The following KLHL29 variants were observed in gnomAD, a reference collection of about 807,000 sequenced individuals.
KLHL29 encodes kelch-like protein 29.
Under a neutral mutation model 80.4 loss-of-function variants are expected in KLHL29, and 21 were observed. The ratio of observed to expected loss-of-function variants is 0.26; its 90% CI spans 0.19 to 0.38. The LOEUF (loss-of-function observed/expected upper bound fraction) is 0.38. Among genes scored for constraint, KLHL29 ranks in the 10% least tolerant of loss-of-function variants. The probability of loss-of-function intolerance (pLI) is 1.00; values close to 1 mark genes in which losing one functional copy is unlikely to be tolerated. For synonymous variants in KLHL29, 511 were observed against 526.8 expected (o/e 0.97, Z 0.41); for missense variants, 867 against 1,223.9 (o/e 0.71, Z 4.35).
intron 1 of KLHL29, among the ~76,000 whole-genome samples, chr2:23,469,732 T>C (rs1664444254): frequency 6.6e-6 from 1 of 152,194 alleles, no homozygotes; most frequent in African/African-American, 2.4e-5. Context: ...AACAGAGCTT[T>C]ACTCTTTACT....
intron 3 of KLHL29, among the ~76,000 whole-genome samples, chr2:23,607,170 C>A (rs1668749210): frequency 6.6e-6 from 1 of 152,184 alleles, no homozygotes; most frequent in Admixed American, 6.5e-5. Flanking sequence ...ATATTTAAAC[C>A]ACAGCAGGGC....
At chr2:23,473,126 A>G (rs1270899429) in intron 1 of KLHL29, among the ~76,000 whole-genome samples, 3 of 152,188 alleles carry the variant, frequency 2.0e-5, no homozygotes, top group Admixed American at 6.5e-5. Context: ...AGCTAGAGCC[A>G]TGACCTGCAG....
chr2:23,626,138 G>T (rs529842146), intron 3 of KLHL29, among the ~76,000 whole-genome samples: 1 of 152,138 alleles, frequency 6.6e-6, no homozygotes, highest in Non-Finnish European at 1.5e-5. Flanking sequence ...TTCCACCTCC[G>T]ATCATCAGAC....
chr2:23,486,149 G>A (rs1238151032), intron 2 of KLHL29, among the ~76,000 whole-genome samples: 1 of 152,144 alleles, frequency 6.6e-6, no homozygotes, highest in East Asian at 1.9e-4. Context: ...CCACTGGGCT[G>A]CATCCTATTC....
intron 1 of KLHL29, among the ~76,000 whole-genome samples, chr2:23,404,950 A>G (rs1283053968): frequency 1.3e-5 from 2 of 152,224 alleles, no homozygotes; most frequent in East Asian, 3.8e-4. Flanking sequence ...TCCTTTATGT[A>G]TGTTACACAT....
At chr2:23,693,756 G>A (rs566190160) in intron 8 of KLHL29, among the ~76,000 whole-genome samples, 2 of 152,360 alleles carry the variant, frequency 1.3e-5, no homozygotes, top group Non-Finnish European at 2.9e-5. Context: ...CGCAGCACCT[G>A]CACTCTGCAG....
intron 5 of KLHL29, among the ~76,000 whole-genome samples, chr2:23,671,416 A>T (rs1187018181): frequency 6.6e-6 from 1 of 151,984 alleles, no homozygotes; most frequent in Non-Finnish European, 1.5e-5. Context: ...AGCTGACCAG[A>T]TCTTGGAAAG....
At chr2:23,594,706 A>C (rs1048806867) in intron 3 of KLHL29, among the ~76,000 whole-genome samples, 1 of 152,188 alleles carries the variant, frequency 6.6e-6, no homozygotes, top group Admixed American at 6.5e-5. Flanking sequence ...TAATGAGTCA[A>C]TGCACACACA....
chr2:23,412,126 G>GC (rs1272670251), intron 1 of KLHL29, among the ~76,000 whole-genome samples: 46 of 131,160 alleles, frequency 3.5e-4, no homozygotes, highest in Non-Finnish European at 3.8e-4. Flanking sequence ...GCGTGAAGGG[G>GC]GGGGGGGGGC....
At chr2:23,518,543 G>A (rs1666006984) in intron 2 of KLHL29, among the ~76,000 whole-genome samples, 1 of 152,152 alleles carries the variant, frequency 6.6e-6, no homozygotes, top group African/African-American at 2.4e-5. Context: ...AGAAAAGACA[G>A]CCCTAGAAAA....
chr2:23,478,611 G>A lies in KLHL29; in HGVS notation c.-46+2944G>A, dbSNP rs190628320. On this transcript the variant is annotated intron_variant, in intron 2 of 13. Coordinates refer to ENST00000486442, the MANE Select transcript of KLHL29 (RefSeq NM_052920.2). The stretch of plus-strand genomic sequence containing the variant: ...AAAGAGGGGTGGGGGGAGTTGAGCC[G>A]AGGACTCAGTTTGCGCAGAGCCCAA... 4.3e-4 allele frequency among the ~76,000 whole-genome samples: 66 copies of A among 152,254 alleles called. 1 individual carries two copies. The highest frequency in any genetic ancestry group is 1.9e-3 in the East Asian group (10 of 5,176).
At chr2:23,608,505 TTTG>T (rs1229389278) in intron 3 of KLHL29, among the ~76,000 whole-genome samples, 1 of 152,088 alleles carries the variant, frequency 6.6e-6, no homozygotes, top group Non-Finnish European at 1.5e-5. Context: ...TCAGAAAATG[TTTG>T]TTGTTTTGTT....
chr2:23,410,684 G>A (rs1354749011), intron 1 of KLHL29, among the ~76,000 whole-genome samples: 1 of 152,066 alleles, frequency 6.6e-6, no homozygotes, highest in Non-Finnish European at 1.5e-5. Context: ...GCTGCTGCTT[G>A]TGACGACACT....
At chr2:23,434,267 G>A (rs1663272130) in intron 1 of KLHL29, among the ~76,000 whole-genome samples, 1 of 136,932 alleles carries the variant, frequency 7.3e-6, no homozygotes, top group Admixed American at 8.2e-5. Context: ...CTTGCAGTGA[G>A]CCGAGATTGC....
intron 1 of KLHL29, among the ~76,000 whole-genome samples, chr2:23,418,843 ACAGCATGCACTTCGT>A (rs1378868152): frequency 6.6e-6 from 1 of 152,118 alleles, no homozygotes; most frequent in Non-Finnish European, 1.5e-5. Context: ...TGTTTGACTC[ACAGCATGCACTTCGT>A]CAATCCTGAT....
intron 3 of KLHL29, among the ~76,000 whole-genome samples, chr2:23,583,465 T>A (rs1653725): frequency 1.3e-5 from 2 of 152,188 alleles, no homozygotes; most frequent in Non-Finnish European, 2.9e-5. Context: ...TTCCTAATGA[T>A]CACCTGCCTG....
At chr2:23,583,978 G>A (rs751441629) in intron 3 of KLHL29, among the ~76,000 whole-genome samples, 1 of 152,170 alleles carries the variant, frequency 6.6e-6, no homozygotes. Flanking sequence ...TGCTTTGACT[G>A]TGTTATTGCC....
intron 3 of KLHL29, among the ~76,000 whole-genome samples, chr2:23,624,182 T>G (rs1669254540): frequency 6.6e-6 from 1 of 152,120 alleles, no homozygotes; most frequent in South Asian, 2.1e-4. Context: ...ACGTGGAATA[T>G]TCATCTCTGG....
intron 3 of KLHL29, among the ~76,000 whole-genome samples, chr2:23,589,118 T>C (rs1211267113): frequency 6.6e-6 from 1 of 152,358 alleles, no homozygotes; most frequent in East Asian, 1.9e-4. Flanking sequence ...GCTCAATAAA[T>C]GTCTGTGAAT....
Sources: gnomAD v4.1 joint callset for allele counts (sites outside exome capture counted in the v4.1 genomes callset) on GRCh38, gnomAD v4.1.1 for gene constraint, MANE v1.5 for transcripts, NCBI Gene and HGNC (gene_info 2026-07-23, HGNC 2026-07-21) for gene names.